The following SFSWAP variants were observed in gnomAD, a reference collection of about 807,000 sequenced individuals.
SFSWAP encodes splicing factor SWAP.
Under a neutral mutation model 100.7 loss-of-function variants are expected in SFSWAP, and 17 were observed. The observed-to-expected ratio is 0.17, with a 90% CI of 0.12 to 0.25. SFSWAP has a LOEUF of 0.25. Ranked by LOEUF, SFSWAP falls within the 10% of genes least tolerant of loss-of-function variation. The pLI, the probability that SFSWAP is intolerant of heterozygous loss-of-function variation, is 1.00. For missense variants in SFSWAP, 1,005 were observed against 1,262.6 expected, an observed-to-expected ratio of 0.80 and a Z score of 3.09; for synonymous variants, 504 against 510.1, an observed-to-expected ratio of 0.99 and a Z score of 0.16.
chr12:131,786,476 T>C lies in SFSWAP; in HGVS notation c.2422T>C (p.Ser808Pro). 6.3e-7 allele frequency: 1 copy of C among 1,587,400 alleles called. No homozygotes were observed. Among genetic ancestry groups the C allele is most frequent in the Non-Finnish European group, 8.6e-7 (1 of 1,167,810 alleles). Residue 808 changes from serine (S) to proline (P), a missense_variant, in exon 15 of 18, where the codon TCC (serine) becomes CCC (proline). Coordinates refer to ENST00000261674, the MANE Select transcript of SFSWAP (RefSeq NM_004592.4). ...TVRRSRSRSR[S>P]PRRRAHSPER... ...TCCCCTGTCCAGGTCCCGCTCCCGG[T>C]CCCCTCGGAGGAGAGCCCACTCCCC...
chr12:131,796,959 CA>C (rs1231895603), intron 15 of SFSWAP: 2 of 491,308 alleles, frequency 4.1e-6, no homozygotes, highest in Non-Finnish European at 7.2e-6. Context: ...TTAAATACCA[CA>C]AATATTTTAC....
intron 11 of SFSWAP, among the ~76,000 whole-genome samples, chr12:131,760,058 AC>A (rs1224717384): frequency 5.3e-5 from 8 of 152,350 alleles, no homozygotes; most frequent in Admixed American, 5.2e-4. Flanking sequence ...CACATATTTG[AC>A]AACCATAATT....
At chr12:131,793,229 A>G (rs1885402713) in intron 15 of SFSWAP, among the ~76,000 whole-genome samples, 1 of 151,968 alleles carries the variant, frequency 6.6e-6, no homozygotes, top group South Asian at 2.1e-4. Flanking sequence ...CCACAGGCAC[A>G]CACCACCATG....
At chr12:131,743,762 TC>T (rs1880873400) in intron 7 of SFSWAP, among the ~76,000 whole-genome samples, 1 of 152,206 alleles carries the variant, frequency 6.6e-6, no homozygotes, top group Non-Finnish European at 1.5e-5. Context: ...ACATTTCCCC[TC>T]CACACTGCCC....
chr12:131,741,549 G>C (rs1733074230), intron 7 of SFSWAP, among the ~76,000 whole-genome samples: 1 of 151,478 alleles, frequency 6.6e-6, no homozygotes, highest in Non-Finnish European at 1.5e-5. Context: ...AGGTGTGGGG[G>C]TTGGCAGAGG....
chr12:131,755,311 A>G (rs560224875), intron 9 of SFSWAP, 75 bp from the exon 10 acceptor site: 2 of 996,914 alleles, frequency 2.0e-6, no homozygotes, highest in Non-Finnish European at 3.2e-6. Flanking sequence ...GTAAAGAGCT[A>G]GGAGAACAGG....
chr12:131,754,223 A>AC (rs1240550888), intron 8 of SFSWAP, 145 bp from the exon 9 acceptor site: 1 of 449,658 alleles, frequency 2.2e-6, no homozygotes, highest in African/African-American at 2.0e-5. Context: ...CGTGTGCATC[A>AC]CCTTCAACAA....
chr12:131,783,792 T>TTTTATATATATATATATATATATATA (rs1312028614), intron 14 of SFSWAP: 13 of 86,682 alleles, frequency 1.5e-4, no homozygotes, highest in Admixed American at 7.6e-4. Flanking sequence ...AAAAAACATT[T>TTTTATATATATATATATATATATATA]TATATATATA....
intron 11 of SFSWAP, among the ~76,000 whole-genome samples, chr12:131,763,829 T>TTTA (rs1249785725): frequency 6.6e-6 from 1 of 152,096 alleles, no homozygotes; most frequent in East Asian, 1.9e-4. Flanking sequence ...TTTTTTTTTT[T>TTTA]TTTAAAGAAA....
chr12:131,764,081 G>A (rs1227950662), intron 11 of SFSWAP, among the ~76,000 whole-genome samples: 8 of 152,148 alleles, frequency 5.3e-5, no homozygotes, highest in East Asian at 3.9e-4. Flanking sequence ...AGCCGAGATC[G>A]TGCCACTGCA....
At chr12:131,742,632 A>G (rs890150837) in intron 7 of SFSWAP, among the ~76,000 whole-genome samples, 2 of 142,502 alleles carry the variant, frequency 1.4e-5, no homozygotes, top group African/African-American at 2.5e-5. Context: ...TTGTTGGGGG[A>G]CTTTTTTTTT....
At chr12:131,769,818 G>A (rs909698287) in intron 13 of SFSWAP, among the ~76,000 whole-genome samples, 1 of 151,988 alleles carries the variant, frequency 6.6e-6, no homozygotes, top group South Asian at 2.1e-4. Flanking sequence ...TAGTAGAGAC[G>A]GGGTTTCACC....
Position 131,776,096 on chromosome 12 carries a change from G to T in SFSWAP, c.2143-1969G>T, listed in dbSNP as rs189172669. Among the ~76,000 whole-genome samples the T allele has an allele frequency of 9.3e-4, 141 of 152,224 alleles. 3 individuals carry two copies. The East Asian group carries it at 0.019, about 21-fold the overall frequency. On this transcript the variant is annotated intron_variant, in intron 13 of 17. Coordinates refer to ENST00000261674, the MANE Select transcript of SFSWAP (RefSeq NM_004592.4). ...CACCCCGGCAACAGAGCAAGACTCT[G>T]CCTCAAAACAAACAAAAATAATAAA...
chr12:131,776,584 C>G (rs1412780465), intron 13 of SFSWAP, among the ~76,000 whole-genome samples: 1 of 152,208 alleles, frequency 6.6e-6, no homozygotes, highest in Non-Finnish European at 1.5e-5. Flanking sequence ...CACAGCGGAC[C>G]TAAGGAGAGG....
At chr12:131,787,715 C>T (rs886948687) in intron 15 of SFSWAP, among the ~76,000 whole-genome samples, 20 of 152,152 alleles carry the variant, frequency 1.3e-4, no homozygotes, top group Admixed American at 8.5e-4. Context: ...GCTCCTGGGA[C>T]GGATGGTCCC....
chr12:131,789,218 G>A (rs1254448232), intron 15 of SFSWAP, among the ~76,000 whole-genome samples: 1 of 152,160 alleles, frequency 6.6e-6, no homozygotes, highest in Non-Finnish European at 1.5e-5. Context: ...CTGAGCTCAA[G>A]CAGTCTGCCT....
In SFSWAP at chr12:131,773,253, G is replaced by A. The variant is rs541617478; in HGVS notation, c.2143-4812G>A. Among the ~76,000 whole-genome samples the A allele has an allele frequency of 2.1e-3, 327 of 152,288 alleles. 1 individual carries two copies. The highest frequency in any genetic ancestry group is 5.1e-3 in the Admixed American group (78 of 15,302). On this transcript the variant is annotated intron_variant, in intron 13 of 17. Coordinates refer to ENST00000261674, the MANE Select transcript of SFSWAP (RefSeq NM_004592.4). ...TGTTCGTAATCCAGGATGAAGAGAA[G>A]GGAGAAGTCTTCATTGAACCCCTTT...
intron 15 of SFSWAP, chr12:131,796,925 T>G (rs905224878): frequency 2.1e-5 from 9 of 429,932 alleles, no homozygotes; most frequent in South Asian, 5.2e-5. Context: ...GTATTTTACA[T>G]GTAAATAAAA....
chr12:131,791,868 G>A (rs1885251840), intron 15 of SFSWAP, among the ~76,000 whole-genome samples: 1 of 152,276 alleles, frequency 6.6e-6, no homozygotes, highest in African/African-American at 2.4e-5. Context: ...CTGTGTTTGG[G>A]GGAGGGGGTG....
Sources: allele counts gnomAD v4.1 joint callset (sites outside exome capture counted in the v4.1 genomes callset), GRCh38; gene constraint gnomAD v4.1.1; transcripts MANE v1.5; gene names NCBI Gene and HGNC (gene_info 2026-07-23, HGNC 2026-07-21).